POTEJ: variants seen among roughly 807,000 people sequenced by gnomAD.
The protein encoded by POTEJ is POTE ankyrin domain family, member J.
A neutral mutation model predicts 69.0 loss-of-function variants in POTEJ; 11 were observed. The ratio of observed to expected loss-of-function variants is 0.16; its 90% confidence interval spans 0.10 to 0.26. The LOEUF (loss-of-function observed/expected upper bound fraction) is 0.26, where lower values mean the gene tolerates loss of function less well. POTEJ is among the 10% of genes least tolerant of loss of function. The pLI, the probability that POTEJ is intolerant of heterozygous loss-of-function variation, is 1.00. For missense variants in POTEJ, 327 were observed against 1,045.5 expected (o/e 0.31, Z 9.48); for synonymous variants, 117 against 381.1 (o/e 0.31, Z 8.07).
At chr2:130,647,212 G>T (rs1169534275) in intron 13 of POTEJ, among the ~76,000 whole-genome samples, 1 of 151,244 alleles carries the variant, frequency 6.6e-6, no homozygotes, top group East Asian at 1.9e-4. Flanking sequence ...CGTTTAGTTT[G>T]ATGACACATC....
At chr2:130,632,873 A>T (rs1423412010) in intron 9 of POTEJ, among the ~76,000 whole-genome samples, 4 of 145,714 alleles carry the variant, frequency 2.7e-5, no homozygotes, top group African/African-American at 8.0e-5. Flanking sequence ...GTGAGGGAAA[A>T]GGCATTTTCT....
At position 130,649,645 on chromosome 2, in the gene POTEJ, G is replaced by A. The variant is rs1438445096; in HGVS notation, c.1667+3335G>A. Among the ~76,000 whole-genome samples the A allele has an allele frequency of 2.0e-5, 3 of 152,288 alleles. No homozygotes were observed. In the East Asian group the frequency reaches 5.8e-4, roughly 29 times the overall value. On this transcript the variant is annotated intron_variant, in intron 13 of 14. Coordinates refer to ENST00000409602, the MANE Select transcript of POTEJ (RefSeq NM_001277083.2). ...CCCATTTCACTCTGAGTATGTGGCAGAGTTCCTCCTAATAACTGAAAGGCA... is the reference window on the plus strand; with the variant it reads ...CCCATTTCACTCTGAGTATGTGGCAAAGTTCCTCCTAATAACTGAAAGGCA...
chr2:130,628,820 G>A (rs1685798401), intron 6 of POTEJ, among the ~76,000 whole-genome samples: 3 of 149,938 alleles, frequency 2.0e-5, no homozygotes, highest in African/African-American at 5.0e-5. Flanking sequence ...AAAAGATCAG[G>A]ACCATCATGG....
chr2:130,611,300 G>GT (rs1491440774), upstream of POTEJ, among the ~76,000 whole-genome samples: 1 of 48,078 alleles, frequency 2.1e-5, no homozygotes, highest in Non-Finnish European at 5.6e-5. Flanking sequence ...GTGTTTTCTT[G>GT]GGGGGGGGGG....
intron 10 of POTEJ, among the ~76,000 whole-genome samples, chr2:130,640,489 T>G (rs1686308587): frequency 6.6e-6 from 1 of 151,648 alleles, no homozygotes; most frequent in Non-Finnish European, 1.5e-5. Context: ...CAGAGTTGTT[T>G]TTTTATTCAT....
At chr2:130,636,772 A>G (rs899631302) in intron 9 of POTEJ, among the ~76,000 whole-genome samples, 9 of 148,096 alleles carry the variant, frequency 6.1e-5, no homozygotes, top group African/African-American at 1.7e-4. Context: ...TCCTGTGTAT[A>G]TTGTTTGATT....
chr2:130,613,191 C>A (rs1387123482), intron 1 of POTEJ, among the ~76,000 whole-genome samples: 9 of 143,886 alleles, frequency 6.3e-5, no homozygotes, highest in Non-Finnish European at 1.1e-4. Flanking sequence ...GAGAAACATA[C>A]CAGAAAAAAT....
chr2:130,639,085 G>C (rs1312697024), intron 10 of POTEJ, among the ~76,000 whole-genome samples: 1 of 152,304 alleles, frequency 6.6e-6, no homozygotes, highest in Admixed American at 6.5e-5. Flanking sequence ...TCACTGATCT[G>C]ACTGGAGGCA....
In POTEJ at chr2:130,615,771, A is replaced by G. The variant is rs536735340; in HGVS notation, c.411-1019A>G. ...ATGTATCCCTGAATGTAAAAGTTGAAAAAAGCTCCACAAATAGTTTCATAA... is the reference window on the plus strand; with the variant it reads ...ATGTATCCCTGAATGTAAAAGTTGAGAAAAGCTCCACAAATAGTTTCATAA... On this transcript the variant is annotated intron_variant, in intron 1 of 14. Coordinates refer to ENST00000409602, the MANE Select transcript of POTEJ (RefSeq NM_001277083.2). Among the ~76,000 whole-genome samples the G allele has an allele frequency of 8.7e-5, 13 of 149,168 alleles. No individual in the cohort carries two copies. The East Asian group carries it at 1.2e-3, about 13-fold the overall frequency.
chr2:130,622,685 C>T (rs1685580330), intron 5 of POTEJ, among the ~76,000 whole-genome samples: 1 of 142,402 alleles, frequency 7.0e-6, no homozygotes, highest in African/African-American at 2.8e-5. Flanking sequence ...CAGCTACTTC[C>T]ATCTCTAGCT....
chr2:130,625,820 A>G (rs1220590631), intron 6 of POTEJ, among the ~76,000 whole-genome samples: 6 of 136,804 alleles, frequency 4.4e-5, no homozygotes, highest in Non-Finnish European at 6.2e-5. Flanking sequence ...TTTTAATACT[A>G]TAGAGATGAG....
chr2:130,656,211 GT>G (rs1199785741), intron 14 of POTEJ, among the ~76,000 whole-genome samples: 3 of 143,690 alleles, frequency 2.1e-5, no homozygotes, highest in Non-Finnish European at 4.6e-5. Context: ...ATGCCTCTGG[GT>G]TTTTTGTAAC....
At chr2:130,638,090 A>C (rs1686177396) in intron 9 of POTEJ, among the ~76,000 whole-genome samples, 1 of 149,310 alleles carries the variant, frequency 6.7e-6, no homozygotes, top group Non-Finnish European at 1.5e-5. Flanking sequence ...GCATATTAGA[A>C]CCTATGAACA....
At chr2:130,656,232 G>A (rs1686981330) in intron 14 of POTEJ, among the ~76,000 whole-genome samples, 2 of 142,304 alleles carry the variant, frequency 1.4e-5, no homozygotes, top group African/African-American at 5.4e-5. Flanking sequence ...CTCAGAAAAA[G>A]GCTTTTTTAA....
chr2:130,650,122 A>C (rs1686754535), intron 13 of POTEJ, among the ~76,000 whole-genome samples: 1 of 152,284 alleles, frequency 6.6e-6, no homozygotes, highest in South Asian at 2.1e-4. Flanking sequence ...AACGTAATTG[A>C]GGGAAGTTTC....
At chr2:130,636,203 C>T (rs1240200429) in intron 9 of POTEJ, among the ~76,000 whole-genome samples, 3 of 151,864 alleles carry the variant, frequency 2.0e-5, no homozygotes, top group African/African-American at 4.9e-5. Context: ...TTATTTAAAA[C>T]CACCTTTCTA....
Position 130,640,917 on chromosome 2 carries a change from G to T in POTEJ, c.1369+2228G>T, listed in dbSNP as rs1424981008. Among the ~76,000 whole-genome samples, 4 of 152,096 alleles carry T rather than the reference G, an allele frequency of 2.6e-5. No individual in the cohort carries two copies. In the East Asian group the frequency reaches 7.7e-4, roughly 29 times the overall value. Reference sequence around the variant, plus strand: ...ATGTGTGCTGCAGGGGCTCATTGGAGAAATTTGAGCAGGGGAGTCACAAGA... The same window carrying T: ...ATGTGTGCTGCAGGGGCTCATTGGATAAATTTGAGCAGGGGAGTCACAAGA... On this transcript the variant is annotated intron_variant, in intron 10 of 14. Transcript: ENST00000409602.
In POTEJ at chr2:130,615,412, A is replaced by C. The variant is rs370295939; in HGVS notation, c.411-1378A>C. 5.6e-4 allele frequency among the ~76,000 whole-genome samples: 68 copies of C among 122,278 alleles called. 1 individual carries two copies. The highest frequency in any genetic ancestry group is 1.6e-3 in the African/African-American group (44 of 27,178). The allele number at this position is 122,278 out of a possible 152,430, so 80.2% of individuals were successfully genotyped here. On this transcript the variant is annotated intron_variant, in intron 1 of 14. Coordinates refer to ENST00000409602, the MANE Select transcript of POTEJ (RefSeq NM_001277083.2). Reference sequence around the variant, plus strand: ...TGTGGTACATAAACAGCATGGAATAATATGCAGCCATAAAAGAAGGAACGA... The same window carrying C: ...TGTGGTACATAAACAGCATGGAATACTATGCAGCCATAAAAGAAGGAACGA...
Position 130,657,299 on chromosome 2 carries a change from G to C in POTEJ, c.2539G>C (p.Glu847Gln). The change falls in exon 15 of 15, where the codon GAA becomes CAA. Residue 847 changes from glutamate to glutamine, a missense_variant. By Grantham distance (29) the Glu-to-Gln change is conservative. Transcript: ENST00000409602. ...ATLRLDLAGRELTDYLMKILT... is the reference protein window; with the variant it reads ...ATLRLDLAGRQLTDYLMKILT... ...CCTGCGCCTAGACCTGGCTGGGCGG[G>C]AACTGACTGACTACCTCATGAAGAT... 3 of 1,600,424 alleles carry C rather than the reference G, an allele frequency of 1.9e-6. No homozygotes were observed. Among genetic ancestry groups the C allele is most frequent in the Non-Finnish European group, 2.6e-6 (3 of 1,174,554 alleles).
Sources: allele counts gnomAD v4.1 joint callset (sites outside exome capture counted in the v4.1 genomes callset), GRCh38; gene constraint gnomAD v4.1.1; transcripts MANE v1.5; gene names NCBI Gene and HGNC (gene_info 2026-07-23, HGNC 2026-07-21).